Variants in MYO16 observed in about 807,000 individuals in gnomAD.
MYO16 encodes unconventional myosin-XVI.
Under a neutral mutation model 205.3 loss-of-function variants are expected in MYO16, and 94 were observed. The ratio of observed to expected loss-of-function variants is 0.46; its 90% CI spans 0.39 to 0.54. The LOEUF (loss-of-function observed/expected upper bound fraction) is 0.54, where lower values mean the gene tolerates loss of function less well. MYO16 is among the 20% of genes least tolerant of loss of function. MYO16 has a pLI of 0.00. For missense variants in MYO16, 2,315 were observed against 2,387.5 expected (o/e 0.97, Z 0.63); for synonymous variants, 988 against 954.0 (o/e 1.04, Z -0.66).
the MYO16 span, among the ~76,000 whole-genome samples, chr13:108,587,831 C>T: frequency 6.6e-6 from 1 of 151,768 alleles, no homozygotes; most frequent in African/African-American, 2.4e-5. Context: ...TAAGAGCAAC[C>T]TAAAGTTATA....
intron 4 of MYO16, among the ~76,000 whole-genome samples, chr13:108,751,677 A>G (rs909844647): frequency 6.6e-6 from 1 of 152,130 alleles, no homozygotes; most frequent in African/African-American, 2.4e-5. Flanking sequence ...CAAGAGTGGC[A>G]AGCCATACCG....
chr13:109,169,811 G>A (rs150036064), intron 33 of MYO16, among the ~76,000 whole-genome samples: 136 of 152,244 alleles, frequency 8.9e-4, no homozygotes, highest in African/African-American at 3.0e-3. Flanking sequence ...TCACGTACAC[G>A]CTTTCAGAGA....
chr13:109,008,908 C>T lies in MYO16; in HGVS notation c.2454C>T (p.Asn818=). 1 of 1,612,860 alleles carries T rather than the reference C, an allele frequency of 6.2e-7. No individual in the cohort carries two copies. The highest frequency in any genetic ancestry group is 8.5e-7 in the Non-Finnish European group (1 of 1,179,490). Residue 818 remains asparagine, a synonymous_variant, in exon 22 of 35, where the codon AAC becomes AAT. Coordinates refer to ENST00000457511, the MANE Select transcript of MYO16 (RefSeq NM_001198950.3). Reference sequence around the variant, plus strand: ...TTTCTCCACAACAGCTTTGTGTCAACATGACCAATGAGAAGATGCACCACT... The same window carrying T: ...TTTCTCCACAACAGCTTTGTGTCAATATGACCAATGAGAAGATGCACCACT... ...QKNEFEQLCV[N]MTNEKMHHYI...
chr13:108,903,045 T>G (rs1030078634), intron 15 of MYO16, among the ~76,000 whole-genome samples: 1 of 152,218 alleles, frequency 6.6e-6, no homozygotes, highest in Non-Finnish European at 1.5e-5. Flanking sequence ...TGTTAATCAC[T>G]TAGAAGCTCT....
chr13:109,178,225 T>G (rs1022556966), intron 33 of MYO16, among the ~76,000 whole-genome samples: 3 of 152,184 alleles, frequency 2.0e-5, no homozygotes, highest in African/African-American at 7.2e-5. Context: ...AAGGACACTA[T>G]TGCCACGTAG....
At chr13:109,018,739 GC>G (rs1384024417) in intron 22 of MYO16, among the ~76,000 whole-genome samples, 1 of 152,110 alleles carries the variant, frequency 6.6e-6, no homozygotes, top group Non-Finnish European at 1.5e-5. Context: ...GCTTCCCTTG[GC>G]TAGGAAAGGG....
At chr13:108,507,155 A>T in the MYO16 span, among the ~76,000 whole-genome samples, 1 of 152,118 alleles carries the variant, frequency 6.6e-6, no homozygotes, top group Non-Finnish European at 1.5e-5. Context: ...TTTTCAACTT[A>T]CAATGGGTTT....
At chr13:108,678,233 T>A (rs1882314579) in intron 2 of MYO16, among the ~76,000 whole-genome samples, 2 of 152,230 alleles carry the variant, frequency 1.3e-5, no homozygotes, top group Admixed American at 1.3e-4. Context: ...TGGACATGCA[T>A]AAACACTGCT....
chr13:108,639,200 C>A (rs1040122795), intron 1 of MYO16, among the ~76,000 whole-genome samples: 1 of 151,990 alleles, frequency 6.6e-6, no homozygotes, highest in African/African-American at 2.4e-5. Context: ...ATGGGAGAAG[C>A]CTTGAAATAG....
intron 27 of MYO16, among the ~76,000 whole-genome samples, chr13:109,076,506 G>T (rs556968184): frequency 6.6e-6 from 1 of 152,308 alleles, no homozygotes; most frequent in Non-Finnish European, 1.5e-5. Flanking sequence ...TCCAGGAGAA[G>T]CCTCTACTTC....
At chr13:108,805,309 A>C (rs1200839937) in intron 6 of MYO16, among the ~76,000 whole-genome samples, 1 of 148,688 alleles carries the variant, frequency 6.7e-6, no homozygotes, top group Non-Finnish European at 1.5e-5. Flanking sequence ...AGATGAATAT[A>C]TTTATTCTAA....
At chr13:108,593,583 G>T (rs1323687612), upstream of MYO16, among the ~76,000 whole-genome samples, 1 of 152,108 alleles carries the variant, frequency 6.6e-6, no homozygotes, top group Non-Finnish European at 1.5e-5. Flanking sequence ...TTTACATAGT[G>T]GTGTATCTTA....
chr13:108,795,375 A>AT (rs1361751332), intron 6 of MYO16, among the ~76,000 whole-genome samples: 2 of 151,744 alleles, frequency 1.3e-5, no homozygotes, highest in Non-Finnish European at 2.9e-5. Flanking sequence ...CGCCCAGCTA[A>AT]TTTTTTGTAT....
intron 20 of MYO16, among the ~76,000 whole-genome samples, chr13:108,976,976 G>A (rs651270): frequency 0.21 from 32,218 of 152,014 alleles, 3,618 homozygotes; most frequent in African/African-American, 0.24. Context: ...TTGTTTTCCT[G>A]TAGAGATACA....
intron 16 of MYO16, among the ~76,000 whole-genome samples, chr13:108,951,996 C>T (rs1883170867): frequency 6.6e-6 from 1 of 151,920 alleles, no homozygotes; most frequent in Non-Finnish European, 1.5e-5. Flanking sequence ...GTCCCAGCCA[C>T]TCCACTCAGG....
chr13:109,132,167 GC>G (rs1410780265), intron 31 of MYO16, among the ~76,000 whole-genome samples: 2 of 152,202 alleles, frequency 1.3e-5, no homozygotes, highest in African/African-American at 2.4e-5. Flanking sequence ...GTGGTGCTGT[GC>G]CTGGCTTGGA....
rs560588753 is a variant in MYO16, at chr13:108,630,794, A to C, written c.28+922A>C. Among the ~76,000 whole-genome samples the C allele has an allele frequency of 2.6e-5, 4 of 152,342 alleles. No homozygotes were observed. The East Asian group carries it at 5.8e-4, about 22-fold the overall frequency. On this transcript the variant is annotated intron_variant, in intron 1 of 34. Transcript: ENST00000457511. The stretch of plus-strand genomic sequence containing the variant: ...GTGTTGAATGAATCTTGAGCTTTGC[A>C]CTAAAGGAGACTAAAAAAATAATGA...
chr13:108,879,636 T>G (rs1594365042), intron 12 of MYO16, among the ~76,000 whole-genome samples: 1 of 152,158 alleles, frequency 6.6e-6, no homozygotes, highest in African/African-American at 2.4e-5. Flanking sequence ...CTTGCAATAG[T>G]TTGCTCAGAA....
At chr13:109,202,011 T>TATCATATATATGATCATACATATG (rs1476049297) in intron 34 of MYO16, among the ~76,000 whole-genome samples, 5 of 151,964 alleles carry the variant, frequency 3.3e-5, no homozygotes. Context: ...ACATCATACA[T>TATCATATATATGATCATACATATG]ATCATATATA....
Sources: allele counts gnomAD v4.1 joint callset (sites outside exome capture counted in the v4.1 genomes callset), GRCh38; gene constraint gnomAD v4.1.1; transcripts MANE v1.5; gene names NCBI Gene and HGNC (gene_info 2026-07-23, HGNC 2026-07-21).